Variants in TRPM6 observed in about 807,000 individuals in gnomAD.
TRPM6 encodes the protein transient receptor potential cation channel subfamily M member 6, also known as channel kinase 2.
TRPM6 carries 111 observed loss-of-function variants against 247.6 expected under a neutral mutation model. That is an observed-to-expected ratio of 0.45 (90% CI 0.38 to 0.52). The LOEUF is 0.52. Ranked by LOEUF, TRPM6 falls within the 20% of genes least tolerant of loss-of-function variation. TRPM6 has a pLI of 0.00. For synonymous variants in TRPM6, 892 were observed against 853.8 expected (o/e 1.04, Z -0.78); for missense variants, 2,126 against 2,421.5 (o/e 0.88, Z 2.56).
At chr9:74,792,496 T>C in intron 19 of TRPM6, 128 bp downstream of exon 19, 1 of 999,314 alleles carries the variant, frequency 1.0e-6, no homozygotes, top group Non-Finnish European at 1.6e-6. Flanking sequence ...TACTTTGTCA[T>C]GCCCTCACTT....
intron 1 of TRPM6, among the ~76,000 whole-genome samples, chr9:74,867,005 T>C (rs1199022004): frequency 2.0e-5 from 3 of 152,348 alleles, no homozygotes; most frequent in Admixed American, 6.5e-5. Context: ...TCCAAAAAAG[T>C]TCATAAACAG....
chr9:74,728,493 TGTTAG>T (rs1163467689), intron 37 of TRPM6, 148 bp from the exon 38 acceptor site: 1 of 670,014 alleles, frequency 1.5e-6, no homozygotes, highest in Non-Finnish European at 2.7e-6. Flanking sequence ...GAAACAACAA[TGTTAG>T]GTTTGCAAAT....
At chr9:74,769,895 C>T (rs1184771808) in intron 25 of TRPM6, among the ~76,000 whole-genome samples, 1 of 152,186 alleles carries the variant, frequency 6.6e-6, no homozygotes, top group Non-Finnish European at 1.5e-5. Flanking sequence ...GCTCCGTAAG[C>T]TCCTAATACG....
intron 15 of TRPM6, 121 bp downstream of exon 15, chr9:74,803,673 G>C: frequency 2.5e-6 from 2 of 797,262 alleles, no homozygotes; most frequent in Admixed American, 3.4e-5. Flanking sequence ...TGCACCATCT[G>C]TTTATGGCAC....
intron 3 of TRPM6, among the ~76,000 whole-genome samples, chr9:74,848,839 G>T (rs1236012958): frequency 2.0e-5 from 3 of 152,082 alleles, no homozygotes; most frequent in East Asian, 1.9e-4. Context: ...CTTATCTGAT[G>T]ACAAATACAT....
chr9:74,805,779 C>A (rs916794786), intron 14 of TRPM6, among the ~76,000 whole-genome samples: 3 of 151,350 alleles, frequency 2.0e-5, no homozygotes, highest in South Asian at 4.2e-4. Context: ...TCTTAAGTAT[C>A]GAAAAGACGA....
intron 1 of TRPM6, among the ~76,000 whole-genome samples, chr9:74,869,221 A>T (rs1830949257): frequency 6.6e-6 from 1 of 152,156 alleles, no homozygotes; most frequent in Non-Finnish European, 1.5e-5. Flanking sequence ...CTGTAATCCC[A>T]GCACTTTGGG....
intron 6 of TRPM6, among the ~76,000 whole-genome samples, chr9:74,829,804 A>G (rs1179976917): frequency 6.6e-6 from 1 of 152,188 alleles, no homozygotes; most frequent in Non-Finnish European, 1.5e-5. Flanking sequence ...TTGACAAACA[A>G]AATTGTTACT....
At chr9:74,874,254 A>ACC (rs1831122891) in intron 1 of TRPM6, among the ~76,000 whole-genome samples, 1 of 151,984 alleles carries the variant, frequency 6.6e-6, no homozygotes, top group African/African-American at 2.4e-5. Context: ...AAAAAAAAAA[A>ACC]AAACAAGAAT....
rs969248440 is a variant in TRPM6, at chr9:74,767,482, G to A, written c.3536+4221C>T. On this transcript the variant is annotated intron_variant, in intron 25 of 38. Transcript: ENST00000360774. ...CTCTTCTTCAGAAGTAGGCTAATGT[G>A]CAAAATCCTCTGAATCTTTTTCCCT... 2.6e-5 allele frequency among the ~76,000 whole-genome samples: 4 copies of A among 152,298 alleles called. No homozygotes were observed. The East Asian group carries it at 7.7e-4, about 29-fold the overall frequency.
chr9:74,785,643 C>T (rs922855931), intron 21 of TRPM6, among the ~76,000 whole-genome samples: 1 of 152,134 alleles, frequency 6.6e-6, no homozygotes, highest in African/African-American at 2.4e-5. Context: ...CCGCCTCAGC[C>T]TCCTGAGTAG....
At position 74,852,921 on chromosome 9, in the gene TRPM6, G is replaced by A. The variant is rs537739434; in HGVS notation, c.152+2606C>T. On this transcript the variant is annotated intron_variant, in intron 3 of 38. Coordinates refer to ENST00000360774, the MANE Select transcript of TRPM6 (RefSeq NM_017662.5). ...CTCTGCCCAGCAGCCACCCCGTCTG[G>A]GAAGTGAGGAGCATCTCTGCTTGGC... Among the ~76,000 whole-genome samples, 29 of 152,262 alleles carry A rather than the reference G, an allele frequency of 1.9e-4. 1 individual carries two copies. The South Asian group carries it at 4.3e-3, about 23-fold the overall frequency.
intron 1 of TRPM6, 124 bp from the exon 2 acceptor site, chr9:74,858,872 C>A: frequency 1.4e-6 from 1 of 728,336 alleles, no homozygotes; most frequent in Non-Finnish European, 2.3e-6. Context: ...AAGACCAACC[C>A]CACACAGGCT....
In TRPM6 at chr9:74,816,731, T is replaced by C. The variant is rs758909376; in HGVS notation, c.1246A>G (p.Met416Val). The change falls in exon 11 of 39, where the codon ATG becomes GTG. Residue 416 changes from methionine to valine, a missense_variant. Physicochemically the swap from Met to Val is conservative, Grantham distance 21 (BLOSUM62 1). This residue lies in a region of TRPM6 where 1,082 missense variants were observed against 1,307.9 expected (regional missense o/e 0.83). Coordinates refer to ENST00000360774, the MANE Select transcript of TRPM6 (RefSeq NM_017662.5). ...LSASEQLNLA[M>V]AWDRVDIAKK... ...GCAATGTCCACCCTGTCCCAAGCCA[T>C]TGCCAGATTTAATTGCTCTGACGCT... is the stretch of plus-strand genomic sequence containing the variant. 3.1e-5 allele frequency: 50 copies of C among 1,614,094 alleles called. No individual in the cohort carries two copies. The highest frequency in any genetic ancestry group is 3.5e-5 in the Non-Finnish European group (41 of 1,180,038).
At chr9:74,804,504 C>T (rs1204328213) in intron 14 of TRPM6, 9 of 704,032 alleles carry the variant, frequency 1.3e-5, no homozygotes, top group South Asian at 8.7e-5. Context: ...CTACAGAGAT[C>T]CTGAAGAGAT....
chr9:74,782,741 C>G lies in TRPM6; in HGVS notation c.3032G>C (p.Arg1011Pro). ...PKEPPSWSLA[R>P]DIVFEPYWMI... ...CCAGTATGGCTCAAATACAATATCTCGAGCTAGACTCCAAGATGGTGGCTC... is the reference window on the plus strand; with the variant it reads ...CCAGTATGGCTCAAATACAATATCTGGAGCTAGACTCCAAGATGGTGGCTC... The change falls in exon 22 of 39, where the codon CGA becomes CCA. Residue 1011 changes from arginine (R) to proline (P), a missense_variant. Physicochemically the swap from Arg to Pro is moderately radical, Grantham distance 103. Coordinates refer to ENST00000360774, the MANE Select transcript of TRPM6 (RefSeq NM_017662.5). The G allele has an allele frequency of 6.2e-7, 1 of 1,614,142 alleles. No individual in the cohort carries two copies.
chr9:74,761,527 T>A (rs775481378), intron 27 of TRPM6, among the ~76,000 whole-genome samples, 169 bp downstream of exon 27: 1 of 152,166 alleles, frequency 6.6e-6, no homozygotes, highest in Non-Finnish European at 1.5e-5. Flanking sequence ...CTGGACAACA[T>A]AGCAAGACCC....
chr9:74,767,386 T>C (rs1826863680), intron 25 of TRPM6, among the ~76,000 whole-genome samples: 1 of 152,170 alleles, frequency 6.6e-6, no homozygotes, highest in Non-Finnish European at 1.5e-5. Flanking sequence ...GAAAGTAAGA[T>C]TTAAAACAGC....
chr9:74,758,367 C>CA (rs545204720), intron 27 of TRPM6, among the ~76,000 whole-genome samples: 1 of 151,538 alleles, frequency 6.6e-6, no homozygotes, highest in East Asian at 1.9e-4. Context: ...AATTCTGATG[C>CA]AAAAAAACTA....
Sources: gnomAD v4.1 joint callset for allele counts (sites outside exome capture counted in the v4.1 genomes callset) on GRCh38, gnomAD v4.1.1 for gene constraint, gnomAD v4.1.1 regional missense constraint, MANE v1.5 for transcripts, NCBI Gene and HGNC (gene_info 2026-07-23, HGNC 2026-07-21) for gene names.